Variants in CDK14 observed in about 807,000 individuals in gnomAD.
CDK14 encodes cyclin-dependent kinase 14.
In CDK14, 34 loss-of-function variants were observed where a neutral mutation model predicts 60.7. That is an observed-to-expected ratio of 0.56 (90% confidence interval 0.43 to 0.75). The LOEUF (loss-of-function observed/expected upper bound fraction) is 0.75. Ranked by LOEUF, CDK14 falls within the 30% of genes least tolerant of loss-of-function variation. The probability of loss-of-function intolerance (pLI) is 0.00; values close to 1 mark genes in which losing one functional copy is unlikely to be tolerated. For missense variants in CDK14, 482 were observed against 564.1 expected (o/e 0.85, Z 1.47); for synonymous variants, 197 against 203.7 (o/e 0.97, Z 0.28).
At chr7:91,145,634 C>T (rs2115648027) in intron 14 of CDK14, among the ~76,000 whole-genome samples, 1 of 152,248 alleles carries the variant, frequency 6.6e-6, no homozygotes, top group African/African-American at 2.4e-5. Flanking sequence ...AAATGGCTTG[C>T]CAGGCTGGTC....
intron 3 of CDK14, among the ~76,000 whole-genome samples, chr7:90,732,211 GC>G (rs1802895117): frequency 6.6e-6 from 1 of 152,136 alleles, no homozygotes; most frequent in African/African-American, 2.4e-5. Context: ...TGGTGGATAA[GC>G]TTTTTGATGG....
At chr7:91,152,725 A>G (rs184903280) in intron 14 of CDK14, among the ~76,000 whole-genome samples, 2 of 152,340 alleles carry the variant, frequency 1.3e-5, no homozygotes, top group South Asian at 4.1e-4. Flanking sequence ...TATAGGTAGG[A>G]AGTGCTGTAG....
intron 2 of CDK14, among the ~76,000 whole-genome samples, chr7:90,639,266 CT>C (rs1483079959): frequency 2.0e-5 from 3 of 151,870 alleles, no homozygotes; most frequent in Non-Finnish European, 4.4e-5. Flanking sequence ...GTTTTATCTA[CT>C]TTTGGTCTTT....
At chr7:90,979,701 G>T (rs1241684706) in intron 9 of CDK14, 1 of 152,218 alleles carries the variant, frequency 6.6e-6, no homozygotes, top group South Asian at 2.1e-4. Context: ...TCATGCTAGA[G>T]GAAAGTCTAA....
At chr7:91,056,755 T>G (rs1797580749) in intron 11 of CDK14, among the ~76,000 whole-genome samples, 3 of 152,252 alleles carry the variant, frequency 2.0e-5, no homozygotes, top group Admixed American at 2.0e-4. Flanking sequence ...TTTTTATGGC[T>G]GCATAGTATT....
rs949893416 is a variant in CDK14, at chr7:90,956,241, C to T, written c.947+424C>T. ...AACTGTTAGGCACCAGTTTGACTCA[C>T]AGTATGTACTTGAAAACTTCTGACA... On this transcript the variant is annotated intron_variant, in intron 9 of 14. Transcript: ENST00000380050. Among the ~76,000 whole-genome samples the T allele has an allele frequency of 2.0e-5, 3 of 152,126 alleles. No individual in the cohort carries two copies. The South Asian group carries it at 6.2e-4, about 31-fold the overall frequency.
chr7:91,052,406 A>G (rs1797418298), intron 11 of CDK14, among the ~76,000 whole-genome samples: 1 of 152,234 alleles, frequency 6.6e-6, no homozygotes, highest in African/African-American at 2.4e-5. Flanking sequence ...CTGCTAAAGA[A>G]CAGTTTACTG....
chr7:90,868,312 CACACAT>C (rs1229385009), intron 6 of CDK14, among the ~76,000 whole-genome samples: 5 of 150,988 alleles, frequency 3.3e-5, no homozygotes, highest in African/African-American at 1.2e-4. Context: ...TACACACACA[CACACAT>C]ACACATACAT....
At chr7:90,710,089 C>G in intron 2 of CDK14, 1 of 947,738 alleles carries the variant, frequency 1.1e-6, no homozygotes, top group Non-Finnish European at 1.3e-6. Flanking sequence ...TCACTTCCTT[C>G]TATTTAACTG....
intron 14 of CDK14, among the ~76,000 whole-genome samples, chr7:91,180,229 C>G (rs1368653710): frequency 6.6e-6 from 1 of 152,208 alleles, no homozygotes; most frequent in East Asian, 1.9e-4. Context: ...ATGAAAGATG[C>G]TTTGCTAGGG....
At chr7:91,062,069 CTTTGTT>C (rs1797814162) in intron 11 of CDK14, among the ~76,000 whole-genome samples, 1 of 152,194 alleles carries the variant, frequency 6.6e-6, no homozygotes, top group African/African-American at 2.4e-5. Flanking sequence ...TTCCTGGCTG[CTTTGTT>C]TACCTACTCA....
At chr7:91,157,204 G>A (rs540336746) in intron 14 of CDK14, among the ~76,000 whole-genome samples, 6 of 152,228 alleles carry the variant, frequency 3.9e-5, no homozygotes, top group African/African-American at 1.2e-4. Flanking sequence ...CTAAAATTAC[G>A]TCATGTCTCC....
chr7:90,726,115 T>C (rs1418115858), intron 2 of CDK14, among the ~76,000 whole-genome samples: 1 of 152,182 alleles, frequency 6.6e-6, no homozygotes, highest in African/African-American at 2.4e-5. Flanking sequence ...TTAAACAACA[T>C]AATGCCCTTT....
chr7:90,863,030 T>G (rs1372855113), intron 5 of CDK14, 145 bp from the exon 6 acceptor site: 11 of 516,822 alleles, frequency 2.1e-5, no homozygotes, highest in Non-Finnish European at 3.8e-5. Flanking sequence ...AGTCTTGTTT[T>G]TCTACCCTTC....
chr7:90,639,476 C>T (rs961104038), intron 2 of CDK14, among the ~76,000 whole-genome samples: 5 of 151,984 alleles, frequency 3.3e-5, no homozygotes, highest in African/African-American at 1.2e-4. Flanking sequence ...GCTGTCTGAT[C>T]GTTCCTCTGG....
intron 13 of CDK14, among the ~76,000 whole-genome samples, chr7:91,113,981 CACTG>C (rs780719229): frequency 9.9e-5 from 15 of 152,270 alleles, no homozygotes; most frequent in East Asian, 3.9e-4. Context: ...AAAGTCTACT[CACTG>C]ACTATTACAA....
intron 6 of CDK14, among the ~76,000 whole-genome samples, chr7:90,890,390 A>ATAGG (rs976979033): frequency 2.6e-5 from 4 of 152,086 alleles, no homozygotes; most frequent in African/African-American, 4.8e-5. Flanking sequence ...AGGTAGGTAG[A>ATAGG]TAGGTAGGTA....
chr7:90,599,925 A>C (rs6945415), intron 1 of CDK14, among the ~76,000 whole-genome samples: 89 of 152,128 alleles, frequency 5.9e-4, no homozygotes, highest in African/African-American at 2.1e-3. Flanking sequence ...TAATAATTCT[A>C]AATACATAAA....
chr7:91,120,982 G>GA (rs1464739074), intron 14 of CDK14, among the ~76,000 whole-genome samples: 9 of 152,142 alleles, frequency 5.9e-5, no homozygotes, highest in Admixed American at 2.6e-4. Flanking sequence ...TCAGTCAGCA[G>GA]AAAAAGAAAT....
Sources: allele counts gnomAD v4.1 joint callset (sites outside exome capture counted in the v4.1 genomes callset), GRCh38; gene constraint gnomAD v4.1.1; transcripts MANE v1.5; gene names NCBI Gene and HGNC (gene_info 2026-07-23, HGNC 2026-07-21).